The following GPC5 variants were observed in gnomAD, a reference collection of about 807,000 sequenced individuals.
The protein encoded by GPC5 is glypican 5, also known as glypican-5.
GPC5 carries 47 observed loss-of-function variants against 53.9 expected under a neutral mutation model. The observed-to-expected ratio is 0.87, with a 90% CI of 0.69 to 1.11. GPC5 has a LOEUF of 1.11. Ranked by LOEUF, GPC5 falls within the 50% of genes most tolerant of loss-of-function variation. GPC5 has a pLI of 0.00. For missense variants in GPC5, 748 were observed against 713.1 expected, an observed-to-expected ratio of 1.05 and a Z score of -0.56; for synonymous variants, 286 against 263.3, an observed-to-expected ratio of 1.09 and a Z score of -0.84.
intron 7 of GPC5, among the ~76,000 whole-genome samples, chr13:92,814,319 GA>G (rs1368932991): frequency 6.6e-6 from 1 of 151,822 alleles, no homozygotes; most frequent in Non-Finnish European, 1.5e-5. Context: ...AGACTTCTTA[GA>G]TATGGAAAAC....
intron 7 of GPC5, among the ~76,000 whole-genome samples, chr13:92,813,793 C>T (rs1877373692): frequency 6.6e-6 from 1 of 151,976 alleles, no homozygotes; most frequent in South Asian, 2.1e-4. Flanking sequence ...CTAAAAGACT[C>T]AATATTGTCA....
chr13:92,704,781 G>GTA (rs928472147), intron 7 of GPC5, among the ~76,000 whole-genome samples: 55 of 148,820 alleles, frequency 3.7e-4, no homozygotes, highest in African/African-American at 5.7e-4. Flanking sequence ...TTGCTTAAGA[G>GTA]TATATATATA....
chr13:91,616,543 T>C (rs947897144), intron 2 of GPC5, among the ~76,000 whole-genome samples: 1 of 152,166 alleles, frequency 6.6e-6, no homozygotes, highest in African/African-American at 2.4e-5. Context: ...TTATCTTATG[T>C]TCATTAAGGA....
At chr13:91,943,313 TG>T (rs2039945243) in intron 6 of GPC5, among the ~76,000 whole-genome samples, 1 of 152,154 alleles carries the variant, frequency 6.6e-6, no homozygotes, top group African/African-American at 2.4e-5. Flanking sequence ...GTTATTATTT[TG>T]GCAATTTTAA....
chr13:92,302,719 T>TA lies in GPC5; in HGVS notation c.1561+157732dup, dbSNP rs1233160973. Among the ~76,000 whole-genome samples, 5 of 152,348 alleles carry TA rather than the reference T, an allele frequency of 3.3e-5. No homozygotes were observed. In the South Asian group the frequency reaches 1.0e-3, roughly 32 times the overall value. On this transcript the variant is annotated intron_variant, in intron 7 of 7. Transcript: ENST00000377067. Reference sequence around the variant, plus strand: ...TGGGCTAACTGCAATTTATGCTGTGTAACATCACCTGGACTAAACCCTCTT... The same window carrying TA: ...TGGGCTAACTGCAATTTATGCTGTGTAAACATCACCTGGACTAAACCCTCTT...
Position 91,491,186 on chromosome 13 carries a change from G to A in GPC5, c.325+42264G>A, listed in dbSNP as rs372936950. Among the ~76,000 whole-genome samples, 124 of 151,992 alleles carry A rather than the reference G, an allele frequency of 8.2e-4. 1 individual carries two copies. In the South Asian group the frequency reaches 0.021, roughly 26 times the overall value. On this transcript the variant is annotated intron_variant, in intron 2 of 7. Coordinates refer to ENST00000377067, the MANE Select transcript of GPC5 (RefSeq NM_004466.6). ...ACTAGGCCATTACCATTACTTTCCCGGCTAATACACCATCTGTATAACTGG... is the reference window on the plus strand; with the variant it reads ...ACTAGGCCATTACCATTACTTTCCCAGCTAATACACCATCTGTATAACTGG...
chr13:92,521,549 G>T (rs1036982413), intron 7 of GPC5, among the ~76,000 whole-genome samples: 3 of 152,152 alleles, frequency 2.0e-5, no homozygotes, highest in Non-Finnish European at 4.4e-5. Flanking sequence ...TTTAATAAAT[G>T]GTGCTGGGAA....
intron 7 of GPC5, among the ~76,000 whole-genome samples, chr13:92,263,402 A>G (rs985295937): frequency 2.0e-5 from 3 of 152,130 alleles, no homozygotes; most frequent in Admixed American, 6.5e-5. Context: ...CAACATCAGT[A>G]TCTTAGGACA....
intron 6 of GPC5, among the ~76,000 whole-genome samples, chr13:91,945,398 CTT>C (rs1566356256): frequency 1.3e-5 from 2 of 152,132 alleles, no homozygotes; most frequent in East Asian, 3.8e-4. Context: ...TTCATGGTCT[CTT>C]TATCTTTTAT....
chr13:92,716,641 A>T (rs780887437), intron 7 of GPC5, among the ~76,000 whole-genome samples: 2 of 152,120 alleles, frequency 1.3e-5, no homozygotes, highest in Non-Finnish European at 2.9e-5. Flanking sequence ...TTATAAATTA[A>T]TGTATGGCTA....
chr13:92,054,032 C>CAAATAAATAAATAAAT (rs56703718), intron 6 of GPC5, among the ~76,000 whole-genome samples: 189 of 142,564 alleles, frequency 1.3e-3, no homozygotes, highest in Non-Finnish European at 2.1e-3. Flanking sequence ...AATTCCATTT[C>CAAATAAATAAATAAAT]AAATAAATAA....
intron 1 of GPC5, among the ~76,000 whole-genome samples, chr13:91,430,914 A>G (rs1879401136): frequency 3.3e-5 from 5 of 152,140 alleles, no homozygotes; most frequent in African/African-American, 7.2e-5. Context: ...TCGCTGTGTT[A>G]CATAGGCTGG....
chr13:92,043,739 G>A (rs550537422), intron 6 of GPC5, among the ~76,000 whole-genome samples: 1 of 152,166 alleles, frequency 6.6e-6, no homozygotes, highest in Non-Finnish European at 1.5e-5. Flanking sequence ...AGAATATCGG[G>A]TGTTGGAAAA....
chr13:91,625,413 A>T (rs754808684), intron 2 of GPC5, among the ~76,000 whole-genome samples: 3 of 152,034 alleles, frequency 2.0e-5, no homozygotes, highest in Non-Finnish European at 4.4e-5. Flanking sequence ...AGAATGATAG[A>T]TTTGTATAAC....
intron 6 of GPC5, among the ~76,000 whole-genome samples, chr13:92,026,778 T>C (rs898584478): frequency 1.3e-5 from 2 of 152,126 alleles, no homozygotes; most frequent in Admixed American, 1.3e-4. Context: ...TAGATATATA[T>C]AGCTTACCAC....
At chr13:92,266,471 A>G (rs1372644611) in intron 7 of GPC5, among the ~76,000 whole-genome samples, 2 of 152,178 alleles carry the variant, frequency 1.3e-5, no homozygotes, top group African/African-American at 4.8e-5. Flanking sequence ...CATATAGGAT[A>G]TAGGAAGCAA....
At chr13:92,157,398 T>C (rs145834211) in intron 7 of GPC5, among the ~76,000 whole-genome samples, 1 of 152,248 alleles carries the variant, frequency 6.6e-6, no homozygotes, top group African/African-American at 2.4e-5. Context: ...TGTGATTAGG[T>C]CATATGTGTT....
intron 3 of GPC5, among the ~76,000 whole-genome samples, 194 bp from the exon 4 acceptor site, chr13:91,728,338 A>C (rs546582427): frequency 6.6e-6 from 1 of 152,254 alleles, no homozygotes; most frequent in Non-Finnish European, 1.5e-5. Flanking sequence ...TCCATTTATC[A>C]TAATTGCCGT....
chr13:92,166,939 C>CTCTCTCTCTCTCTCTCTCTCTCTCTA, intron 7 of GPC5, among the ~76,000 whole-genome samples: 1 of 111,164 alleles, frequency 9.0e-6, no homozygotes, highest in African/African-American at 3.5e-5. Flanking sequence ...CTCTCTCTCT[C>CTCTCTCTCTCTCTCTCTCTCTCTCTA]TCTCTCTCTC....
Sources: allele counts gnomAD v4.1 joint callset (sites outside exome capture counted in the v4.1 genomes callset), GRCh38; gene constraint gnomAD v4.1.1; transcripts MANE v1.5; gene names NCBI Gene and HGNC (gene_info 2026-07-23, HGNC 2026-07-21).